Variants in COL5A3 observed in about 807,000 individuals in gnomAD.
The protein encoded by COL5A3 is collagen alpha-3(V) chain.
COL5A3 carries 172 observed loss-of-function variants against 250.0 expected under a neutral mutation model. The ratio of observed to expected loss-of-function variants is 0.69; its 90% CI spans 0.61 to 0.78. COL5A3 has a LOEUF of 0.78. Among genes scored for constraint, COL5A3 ranks in the 30% least tolerant of loss-of-function variants. COL5A3 has a pLI of 0.00. For missense variants in COL5A3, 2,340 were observed against 2,334.4 expected (o/e 1.00, Z -0.05); for synonymous variants, 937 against 900.4 (o/e 1.04, Z -0.73).
In COL5A3 at chr19:10,003,642, C is replaced by T. The variant is rs761377582; in HGVS notation, c.772G>A (p.Gly258Ser). ...GKGKGRKKGR[G>S]RKGKGRKKNK... ...TTTTTCCTGCCCTTCCCCTTGCGAC[C>T]TCGCCCTTTCTTCCTCCCTTTTCCC... The change falls in exon 6 of 67, where the codon GGT (glycine) becomes AGT (serine). Residue 258 changes from glycine to serine, a missense_variant. Around this residue, in one of 3 missense-constraint regions of COL5A3, gnomAD observed 1,152 missense variants for 1,146.3 expected, o/e 1.00. Transcript: ENST00000264828. 6.2e-7 allele frequency: 1 copy of T among 1,614,144 alleles called. No homozygotes were observed. Among genetic ancestry groups the T allele is most frequent in the Non-Finnish European group, 8.5e-7 (1 of 1,180,020 alleles).
chr19:9,967,767 G>T, intron 61 of COL5A3, 137 bp downstream of exon 61: 1 of 809,788 alleles, frequency 1.2e-6, no homozygotes, highest in Non-Finnish European at 1.9e-6. Context: ...ACAACCGTAG[G>T]TGTTGAATAA....
chr19:9,972,908 C>G lies in COL5A3; in HGVS notation c.3774+11G>C. 6.9e-6 allele frequency: 11 copies of G among 1,595,410 alleles called. No individual in the cohort carries two copies. The highest frequency in any genetic ancestry group is 7.7e-6 in the Non-Finnish European group (9 of 1,170,594). On this transcript the variant is annotated intron_variant, in intron 51 of 66. Coordinates refer to ENST00000264828, the MANE Select transcript of COL5A3 (RefSeq NM_015719.4). ...CTCCCATGTCTGCCCCCACTTCCCC[C>G]CAGGACTCACCACGCTCCCTTTGGC...
In COL5A3 at chr19:9,974,383, C is replaced by A. The variant is rs140683403; in HGVS notation, c.3368G>T (p.Arg1123Leu). The A allele has an allele frequency of 1.2e-6, 2 of 1,607,744 alleles. No homozygotes were observed. The highest frequency in any genetic ancestry group is 4.5e-5 in the East Asian group (2 of 44,816). The change falls in exon 46 of 67, where the codon CGG becomes CTG. Residue 1123 changes from arginine (R) to leucine (L), a missense_variant. This residue lies in a region of COL5A3 where 1,179 missense variants were observed against 1,162.6 expected (regional missense o/e 1.01). Transcript: ENST00000264828. ...CTGCCCAAAGAGGCCTGGGGGTCCC[C>A]GGCGCCCCTGAGCCCCGTCTGCTCC... is the stretch of plus-strand genomic sequence containing the variant. ...PPGADGAQGRRGPPGLFGQKG... is the reference protein window; with the variant it reads ...PPGADGAQGRLGPPGLFGQKG...
At chr19:9,986,235 A>C in intron 30 of COL5A3, 80 bp downstream of exon 30, 1 of 985,646 alleles carries the variant, frequency 1.0e-6, no homozygotes, top group Non-Finnish European at 1.5e-6. Context: ...GGTCGAAGGT[A>C]TAATAAAAGG....
At position 9,993,752 on chromosome 19, in the gene COL5A3, C is replaced by T. The variant is rs756994333; in HGVS notation, c.1641+1G>A. The T allele has an allele frequency of 6.2e-7, 1 of 1,614,148 alleles. No homozygotes were observed. The highest frequency in any genetic ancestry group is 1.1e-5 in the South Asian group (1 of 91,076). ...GTCTTATCTCAGCCCCCATCACCTA[C>T]CTTAGGTCCAGTGTCCCCTGGGAGG... On this transcript the variant is annotated splice_donor_variant, in intron 17 of 66. Coordinates refer to ENST00000264828, the MANE Select transcript of COL5A3 (RefSeq NM_015719.4). LOFTEE classifies it high-confidence loss of function.
intron 64 of COL5A3, among the ~76,000 whole-genome samples, chr19:9,963,561 T>TTGG (rs1555733032): frequency 0.014 from 577 of 40,114 alleles, 16 homozygotes; most frequent in Non-Finnish European, 0.019. Flanking sequence ...CTGTTTTTTT[T>TTGG]GGGGGGGGGG....
chr19:9,976,648 G>A, intron 44 of COL5A3, 37 bp from the exon 45 acceptor site: 3 of 1,536,572 alleles, frequency 2.0e-6, no homozygotes, highest in Non-Finnish European at 2.6e-6. Flanking sequence ...AATTCCCTCA[G>A]GTTTAAGATT....
chr19:9,986,251 G>A (rs1055507236), intron 30 of COL5A3, 64 bp downstream of exon 30: 1 of 1,149,808 alleles, frequency 8.7e-7, no homozygotes, highest in Admixed American at 2.3e-5. Flanking sequence ...AAAGGGCAAA[G>A]GGCAGAGGGA....
At chr19:9,993,259 C>T in intron 19 of COL5A3, 121 bp downstream of exon 19, 1 of 1,218,136 alleles carries the variant, frequency 8.2e-7, no homozygotes, top group Non-Finnish European at 1.2e-6. Flanking sequence ...ACCTCCTCAC[C>T]CCACAATTTG....
In COL5A3 at chr19:9,998,117, G is replaced by A. The variant is rs140498565; in HGVS notation, c.1143C>T (p.Pro381=). ...GAGEKGAKGE[P]AVIEKGQQFE... ...GACCCCTCACCTTTTCAATCACTGC[G>A]GGCTCTCCTTTTGCTCCTTTCTCTC... Residue 381 remains proline (P), a synonymous_variant, in exon 9 of 67, where the codon CCC becomes CCT. Transcript: ENST00000264828. The A allele has an allele frequency of 6.8e-4, 1,097 of 1,613,854 alleles. 7 individuals carry two copies. The African/African-American group carries it at 0.013, about 19-fold the overall frequency.
At chr19:9,992,753 G>A in intron 21 of COL5A3, 74 bp downstream of exon 21, 3 of 1,480,998 alleles carry the variant, frequency 2.0e-6, no homozygotes, top group Non-Finnish European at 1.9e-6. Flanking sequence ...CTCCAGCCTG[G>A]GCGACAGAGC....
intron 54 of COL5A3, 102 bp downstream of exon 54, chr19:9,970,520 G>GGAGTGAGT (rs1265976718): frequency 1.6e-6 from 1 of 637,308 alleles, no homozygotes; most frequent in African/African-American, 2.0e-5. Context: ...GTGGGTGTGT[G>GGAGTGAGT]GGGTCTGTGG....
intron 50 of COL5A3, 126 bp downstream of exon 50, chr19:9,973,443 AG>A: frequency 1.1e-6 from 1 of 937,852 alleles, no homozygotes; most frequent in Admixed American, 2.3e-5. Context: ...CAAGGTAATC[AG>A]GGACGGCCAC....
rs1402020774 is a variant in COL5A3 at position 9,996,686 on chromosome 19, G to A, written c.1267C>T (p.Pro423Ser). 1.2e-6 allele frequency: 2 copies of A among 1,601,162 alleles called. No homozygotes were observed. Among genetic ancestry groups the A allele is most frequent in the East Asian group, 2.2e-5 (1 of 44,820 alleles). ...CCGGGGATTCCTGGGAGGCCAGCAG[G>A]GCCCTGAGAGAGGGATGGGGGAAGA... is the stretch of plus-strand genomic sequence containing the variant. ...GFPGDPGPPG[P>S]AGLPGIPGID... The change falls in exon 12 of 67, where the codon CCT (proline) becomes TCT (serine). Residue 423 changes from proline to serine, a missense_variant. This residue lies in a region of COL5A3 where 1,152 missense variants were observed against 1,146.3 expected (regional missense o/e 1.00). Transcript: ENST00000264828.
At chr19:9,999,378 TG>T (rs2087322969) in intron 8 of COL5A3, among the ~76,000 whole-genome samples, 1 of 151,524 alleles carries the variant, frequency 6.6e-6, no homozygotes, top group Admixed American at 6.6e-5. Flanking sequence ...TTTATTTTTT[TG>T]TAGAGACAGG....
At chr19:10,005,260 G>A (rs1384311991) in intron 4 of COL5A3, among the ~76,000 whole-genome samples, 3 of 151,736 alleles carry the variant, frequency 2.0e-5, no homozygotes, top group African/African-American at 7.3e-5. Flanking sequence ...GGGAGGCTGA[G>A]AATCGCTTGA....
chr19:9,961,753 T>A (rs2086676187), intron 65 of COL5A3, among the ~76,000 whole-genome samples: 1 of 152,004 alleles, frequency 6.6e-6, no homozygotes, highest in East Asian at 1.9e-4. Context: ...AGAGACGGGG[T>A]TTCACCATGT....
chr19:9,974,038 A>G, intron 47 of COL5A3, 66 bp from the exon 48 acceptor site: 1 of 1,511,206 alleles, frequency 6.6e-7, no homozygotes, highest in Non-Finnish European at 8.9e-7. Context: ...CACATTGACC[A>G]CAGATACCAC....
rs779423291 is a variant in COL5A3 at position 9,978,585 on chromosome 19, C to A, written c.3007G>T (p.Val1003Leu). Residue 1003 changes from valine to leucine, a missense_variant, in exon 41 of 67, where the codon GTG becomes TTG. Around this residue, in one of 3 missense-constraint regions of COL5A3, gnomAD observed 1,179 missense variants for 1,162.6 expected, o/e 1.01. Coordinates refer to ENST00000264828, the MANE Select transcript of COL5A3 (RefSeq NM_015719.4). ...GGGGTTATACTTACATTGGCCCCCA[C>A]GGGCCCTGGGGGGCCCTTATCACCC... is the stretch of plus-strand genomic sequence containing the variant. ...LKGDKGPPGP[V>L]GANGSPGERG... 1.3e-6 allele frequency: 2 copies of A among 1,581,976 alleles called. No individual in the cohort carries two copies. Among genetic ancestry groups the A allele is most frequent in the Non-Finnish European group, 1.7e-6 (2 of 1,163,724 alleles).
Sources: allele counts gnomAD v4.1 joint callset (sites outside exome capture counted in the v4.1 genomes callset), GRCh38; gene constraint gnomAD v4.1.1; regional missense constraint gnomAD v4.1.1; transcripts MANE v1.5; gene names NCBI Gene and HGNC (gene_info 2026-07-23, HGNC 2026-07-21).